EPHA5: variants seen among roughly 807,000 people sequenced by gnomAD.
EPHA5 encodes the protein ephrin type-A receptor 5.
Under a neutral mutation model 105.0 loss-of-function variants are expected in EPHA5, and 60 were observed. That is an observed-to-expected ratio of 0.57 (90% confidence interval 0.46 to 0.71). EPHA5 has a LOEUF of 0.71. Ranked by LOEUF, EPHA5 falls within the 30% of genes least tolerant of loss-of-function variation. The pLI is 0.00. For synonymous variants in EPHA5, 513 were observed against 449.1 expected (o/e 1.14, Z -1.80); for missense variants, 1,218 against 1,274.7 (o/e 0.96, Z 0.68).
chr4:65,338,466 G>A (rs1245614441), intron 14 of EPHA5, among the ~76,000 whole-genome samples: 5 of 151,406 alleles, frequency 3.3e-5, no homozygotes, highest in Non-Finnish European at 7.4e-5. Context: ...TTTTTCTTTA[G>A]CACCCTTTTT....
chr4:65,666,200 C>T (rs1310471675), intron 1 of EPHA5, among the ~76,000 whole-genome samples: 1 of 152,108 alleles, frequency 6.6e-6, no homozygotes, highest in Non-Finnish European at 1.5e-5. Flanking sequence ...GTTTCTACCC[C>T]ACTTTCTTAA....
intron 2 of EPHA5, among the ~76,000 whole-genome samples, chr4:65,609,103 C>T (rs1418483543): frequency 6.6e-6 from 1 of 152,118 alleles, no homozygotes; most frequent in Non-Finnish European, 1.5e-5. Flanking sequence ...AGAAGCATCT[C>T]TATTTTTACA....
intron 8 of EPHA5, among the ~76,000 whole-genome samples, chr4:65,376,680 T>A (rs1719037824): frequency 6.6e-6 from 1 of 152,082 alleles, no homozygotes. Flanking sequence ...TGTGACATGA[T>A]TTTTACTTCA....
At chr4:65,334,842 C>T (rs1032786374) in intron 15 of EPHA5, among the ~76,000 whole-genome samples, 5 of 151,478 alleles carry the variant, frequency 3.3e-5, no homozygotes, top group Admixed American at 3.3e-4. Context: ...CCATTTGTGA[C>T]AATGTAATAT....
At chr4:65,491,584 C>A (rs1010817524) in intron 4 of EPHA5, among the ~76,000 whole-genome samples, 1 of 151,992 alleles carries the variant, frequency 6.6e-6, no homozygotes, top group African/African-American at 2.4e-5. Context: ...AGGAGTGAAA[C>A]TTCCTAACTT....
At chr4:65,343,790 G>A (rs1396564311) in intron 14 of EPHA5, among the ~76,000 whole-genome samples, 2 of 152,032 alleles carry the variant, frequency 1.3e-5, no homozygotes, top group East Asian at 3.9e-4. Flanking sequence ...ATCTTTAATT[G>A]TATGATCATT....
intron 8 of EPHA5, among the ~76,000 whole-genome samples, chr4:65,369,563 T>A (rs918937413): frequency 6.6e-6 from 1 of 152,178 alleles, no homozygotes; most frequent in Non-Finnish European, 1.5e-5. Context: ...TTAAAATATA[T>A]GTATATTTTG....
chr4:65,594,777 C>T (rs1031858753), intron 3 of EPHA5, among the ~76,000 whole-genome samples: 1 of 152,044 alleles, frequency 6.6e-6, no homozygotes, highest in Non-Finnish European at 1.5e-5. Flanking sequence ...TTTATACTTT[C>T]AACGGGTGTA....
Position 65,476,127 on chromosome 4 carries a change from A to AGAGTGT in EPHA5, c.1402+14249_1402+14250insACACTC, listed in dbSNP as rs1425495059. On this transcript the variant is annotated intron_variant, in intron 5 of 16. Transcript: ENST00000613740. ...GAGAGAGAGAGAGAGAGAGAGAGAG[A>AGAGTGT]GTGTGTGTGTGTGTGTGTGTGTGTG... Among the ~76,000 whole-genome samples, 99 of 119,192 alleles carry AGAGTGT rather than the reference A, an allele frequency of 8.3e-4. 2 individuals are homozygous for AGAGTGT. Among genetic ancestry groups the AGAGTGT allele is most frequent in the African/African-American group, 1.9e-3 (60 of 32,424 alleles). 78.2% of individuals were successfully genotyped at this position (119,192 alleles called of 152,430 possible).
intron 7 of EPHA5, among the ~76,000 whole-genome samples, chr4:65,409,913 A>C (rs2149006098): frequency 6.6e-6 from 1 of 152,298 alleles, no homozygotes; most frequent in Non-Finnish European, 1.5e-5. Context: ...ACAATTCCAA[A>C]TGCTGACAAG....
At chr4:65,365,689 A>ATG (rs765636669) in intron 10 of EPHA5, among the ~76,000 whole-genome samples, 3 of 93,814 alleles carry the variant, frequency 3.2e-5, no homozygotes, top group African/African-American at 3.1e-5. Context: ...ATATATATAT[A>ATG]GTGAAACATT....
intron 2 of EPHA5, among the ~76,000 whole-genome samples, chr4:65,609,486 C>T (rs1744558511): frequency 6.6e-6 from 1 of 152,008 alleles, no homozygotes; most frequent in Non-Finnish European, 1.5e-5. Context: ...ATTCATAATA[C>T]AAATGAAATC....
intron 5 of EPHA5, among the ~76,000 whole-genome samples, chr4:65,459,760 G>A (rs943726529): frequency 6.6e-6 from 1 of 151,708 alleles, no homozygotes; most frequent in African/African-American, 2.4e-5. Context: ...TCTCTCTTTT[G>A]TTAGAATGGA....
chr4:65,625,593 T>C (rs1377319375), intron 2 of EPHA5, among the ~76,000 whole-genome samples: 2 of 152,138 alleles, frequency 1.3e-5, no homozygotes, highest in Non-Finnish European at 2.9e-5. Flanking sequence ...GTTGTAGTAA[T>C]TGACCTACTT....
intron 3 of EPHA5, among the ~76,000 whole-genome samples, chr4:65,533,503 A>T (rs913671941): frequency 6.6e-6 from 1 of 152,236 alleles, no homozygotes; most frequent in Non-Finnish European, 1.5e-5. Context: ...TTGTTGTCTG[A>T]TAAGAAAAGT....
intron 3 of EPHA5, among the ~76,000 whole-genome samples, chr4:65,593,265 G>A (rs1432852570): frequency 6.6e-6 from 1 of 152,082 alleles, no homozygotes; most frequent in Non-Finnish European, 1.5e-5. Context: ...TTTTGAGGGG[G>A]AGAAATATTT....
At chr4:65,607,407 A>G (rs184942601) in intron 2 of EPHA5, among the ~76,000 whole-genome samples, 1 of 152,256 alleles carries the variant, frequency 6.6e-6, no homozygotes, top group African/African-American at 2.4e-5. Context: ...AATGGGAGAA[A>G]ATTTCTGAAA....
chr4:65,498,202 A>C (rs1732134658), intron 3 of EPHA5, among the ~76,000 whole-genome samples: 1 of 151,934 alleles, frequency 6.6e-6, no homozygotes, highest in Non-Finnish European at 1.5e-5. Flanking sequence ...ATTGATCAAG[A>C]AGATAGTCAG....
chr4:65,601,815 T>C lies in EPHA5; in HGVS notation c.736A>G (p.Thr246Ala). Residue 246 changes from threonine to alanine, a missense_variant, in exon 3 of 17, where the codon ACC becomes GCC. This residue lies in a region of EPHA5 where 971 missense variants were observed against 1,013.5 expected (regional missense o/e 0.96). Transcript: ENST00000613740. ...VVRHLAVFPD[T>A]ITGADSSQLL... The stretch of plus-strand genomic sequence containing the variant: ...TGGGAAGAATCAGCTCCAGTGATGG[T>C]GTCAGGGAAGACAGCCAAGTGTCGT... The C allele has an allele frequency of 6.2e-7, 1 of 1,614,144 alleles. No individual in the cohort carries two copies. The highest frequency in any genetic ancestry group is 8.5e-7 in the Non-Finnish European group (1 of 1,180,012).
Sources: gnomAD v4.1 joint callset for allele counts (sites outside exome capture counted in the v4.1 genomes callset) on GRCh38, gnomAD v4.1.1 for gene constraint, gnomAD v4.1.1 regional missense constraint, MANE v1.5 for transcripts, NCBI Gene and HGNC (gene_info 2026-07-23, HGNC 2026-07-21) for gene names.